Variants in ZYG11B observed in about 807,000 individuals in gnomAD.
The protein encoded by ZYG11B is protein zyg-11 homolog B.
ZYG11B carries 36 observed loss-of-function variants against 82.4 expected under a neutral mutation model. That is an observed-to-expected ratio of 0.44 (90% CI 0.33 to 0.58). The LOEUF is 0.58. Ranked by LOEUF, ZYG11B falls within the 20% of genes least tolerant of loss-of-function variation. The probability of loss-of-function intolerance (pLI) is 0.02; values close to 1 mark genes in which losing one functional copy is unlikely to be tolerated. For synonymous variants in ZYG11B, 303 were observed against 312.8 expected, an observed-to-expected ratio of 0.97 and a Z score of 0.33; for missense variants, 552 against 895.6, an observed-to-expected ratio of 0.62 and a Z score of 4.90.
intron 8 of ZYG11B, among the ~76,000 whole-genome samples, chr1:52,800,258 A>G (rs181826405): frequency 2.0e-5 from 3 of 149,364 alleles, no homozygotes; most frequent in East Asian, 1.9e-4. Flanking sequence ...CCTGAGTGAT[A>G]GAGTGAGATT....
chr1:52,813,805 A>G, intron 11 of ZYG11B, 55 bp from the exon 12 acceptor site: 1 of 1,613,054 alleles, frequency 6.2e-7, no homozygotes, highest in Non-Finnish European at 8.5e-7. Context: ...TGTAGTAAAT[A>G]ATGCAGTGCT....
intron 1 of ZYG11B, among the ~76,000 whole-genome samples, chr1:52,728,940 A>T (rs1644307395): frequency 6.6e-6 from 1 of 152,140 alleles, no homozygotes; most frequent in Non-Finnish European, 1.5e-5. Flanking sequence ...TATAGCATGG[A>T]AGGATGCAAG....
chr1:52,735,077 CT>C (rs1482146490), intron 1 of ZYG11B, among the ~76,000 whole-genome samples: 4 of 146,582 alleles, frequency 2.7e-5, no homozygotes, highest in Non-Finnish European at 4.5e-5. Context: ...GTTGCCCAGG[CT>C]GGAGTGCAAT....
intron 3 of ZYG11B, among the ~76,000 whole-genome samples, chr1:52,776,055 A>G (rs947722019): frequency 1.4e-4 from 21 of 147,976 alleles, no homozygotes; most frequent in Non-Finnish European, 2.9e-4. Flanking sequence ...GCCTCTACTA[A>G]AAATCCCAAA....
At chr1:52,768,042 A>G (rs966453873) in intron 2 of ZYG11B, among the ~76,000 whole-genome samples, 4 of 152,180 alleles carry the variant, frequency 2.6e-5, no homozygotes, top group Admixed American at 2.6e-4. Context: ...GCAAGTAATT[A>G]CAGCCTGGCA....
At chr1:52,813,461 G>A in intron 10 of ZYG11B, 75 bp from the exon 11 acceptor site, 1 of 1,157,638 alleles carries the variant, frequency 8.6e-7, no homozygotes, top group Non-Finnish European at 1.2e-6. Flanking sequence ...CTGTTATCCA[G>A]GGCCTAAAAA....
intron 3 of ZYG11B, among the ~76,000 whole-genome samples, chr1:52,776,229 A>AAAAAAAAAAAATACATATATATAT: frequency 4.2e-5 from 1 of 23,536 alleles, no homozygotes; most frequent in African/African-American, 9.5e-5. Flanking sequence ...TAAAAAAAAA[A>AAAAAAAAAAAATACATATATATAT]ATATATATAT....
intron 10 of ZYG11B, 29 bp from the exon 11 acceptor site, chr1:52,813,507 A>T: frequency 1.3e-6 from 2 of 1,528,992 alleles, no homozygotes; most frequent in Non-Finnish European, 1.8e-6. Flanking sequence ...ATATTACATT[A>T]ATTTTTATAT....
intron 2 of ZYG11B, among the ~76,000 whole-genome samples, chr1:52,763,308 G>A (rs773895648): frequency 1.3e-5 from 2 of 152,042 alleles, no homozygotes; most frequent in Non-Finnish European, 2.9e-5. Context: ...CAAATTTTAA[G>A]ATATTTTTTC....
intron 5 of ZYG11B, among the ~76,000 whole-genome samples, chr1:52,785,415 G>T (rs190558261): frequency 2.6e-4 from 40 of 152,258 alleles, no homozygotes; most frequent in Admixed American, 2.0e-3. Flanking sequence ...TATGGTAGAA[G>T]ATGTAACCTG....
chr1:52,751,674 C>A (rs1025934080), intron 1 of ZYG11B, among the ~76,000 whole-genome samples: 2 of 152,000 alleles, frequency 1.3e-5, no homozygotes, highest in Non-Finnish European at 2.9e-5. Flanking sequence ...TCTTCATACC[C>A]TGTTTCTTGC....
intron 1 of ZYG11B, among the ~76,000 whole-genome samples, chr1:52,731,756 G>T (rs564526406): frequency 9.9e-5 from 15 of 152,086 alleles, no homozygotes; most frequent in Non-Finnish European, 1.9e-4. Context: ...GTGTGAGAGG[G>T]CAACTATTTT....
chr1:52,747,579 T>C (rs899376786), intron 1 of ZYG11B, among the ~76,000 whole-genome samples: 3 of 149,666 alleles, frequency 2.0e-5, no homozygotes, highest in Non-Finnish European at 3.0e-5. Context: ...GAACTCACTC[T>C]TTTTTTTTTC....
intron 13 of ZYG11B, among the ~76,000 whole-genome samples, chr1:52,816,975 T>A (rs1312403380): frequency 2.0e-5 from 3 of 151,692 alleles, no homozygotes; most frequent in Non-Finnish European, 2.9e-5. Context: ...TATTATTATT[T>A]TTTTTTAGTA....
At chr1:52,799,301 T>C (rs1645055252) in intron 8 of ZYG11B, among the ~76,000 whole-genome samples, 1 of 151,688 alleles carries the variant, frequency 6.6e-6, no homozygotes, top group South Asian at 2.1e-4. Context: ...TCCTGGCTAA[T>C]GCAGTGAAAC....
intron 6 of ZYG11B, among the ~76,000 whole-genome samples, chr1:52,793,212 G>A (rs928237721): frequency 2.0e-5 from 3 of 151,972 alleles, no homozygotes; most frequent in African/African-American, 7.3e-5. Context: ...TTTGGTCAGA[G>A]TCCCAAAGTT....
intron 1 of ZYG11B, among the ~76,000 whole-genome samples, chr1:52,737,924 G>A (rs1644391367): frequency 6.6e-6 from 1 of 152,240 alleles, no homozygotes; most frequent in African/African-American, 2.4e-5. Flanking sequence ...GGTGAGAAAT[G>A]TTAGATCAGA....
At chr1:52,819,954 G>A (rs960499465) in intron 13 of ZYG11B, among the ~76,000 whole-genome samples, 8 of 149,214 alleles carry the variant, frequency 5.4e-5, no homozygotes, top group South Asian at 2.1e-4. Context: ...TCTTGCTGTC[G>A]TCCAGGCTAG....
chr1:52,817,710 T>C (rs1415711713), intron 13 of ZYG11B, among the ~76,000 whole-genome samples: 1 of 137,314 alleles, frequency 7.3e-6, no homozygotes, highest in East Asian at 2.1e-4. Context: ...TATAAACTCA[T>C]TCCACAAATG....
Sources: gnomAD v4.1 joint callset for allele counts (sites outside exome capture counted in the v4.1 genomes callset) on GRCh38, gnomAD v4.1.1 for gene constraint, MANE v1.5 for transcripts, NCBI Gene and HGNC (gene_info 2026-07-23, HGNC 2026-07-21) for gene names.